The following COMMD1 variants were observed in gnomAD, a reference collection of about 807,000 sequenced individuals.
COMMD1 encodes the protein COMM domain-containing protein 1.
Under a neutral mutation model 17.2 loss-of-function variants are expected in COMMD1, and 10 were observed. That is an observed-to-expected ratio of 0.58 (90% CI 0.36 to 0.99). COMMD1 has a LOEUF of 0.99. Ranked by LOEUF, COMMD1 falls within the 50% of genes least tolerant of loss-of-function variation. COMMD1 has a pLI of 0.01. For synonymous variants in COMMD1, 97 were observed against 91.6 expected, an observed-to-expected ratio of 1.06 and a Z score of -0.34; for missense variants, 270 against 231.8, an observed-to-expected ratio of 1.17 and a Z score of -1.07.
chr2:62,032,013 A>G (rs536217752), intron 2 of COMMD1, among the ~76,000 whole-genome samples: 1 of 152,336 alleles, frequency 6.6e-6, no homozygotes, highest in Non-Finnish European at 1.5e-5. Flanking sequence ...TTAACACTTT[A>G]GTATGTATAA....
intron 2 of COMMD1, among the ~76,000 whole-genome samples, chr2:62,078,962 G>A (rs1226339831): frequency 2.6e-5 from 4 of 152,124 alleles, no homozygotes; most frequent in African/African-American, 9.7e-5. Flanking sequence ...GAGAGAATAG[G>A]TTGTAAAATG....
chr2:61,972,048 G>A (rs1239754662), intron 1 of COMMD1, among the ~76,000 whole-genome samples: 2 of 152,054 alleles, frequency 1.3e-5, no homozygotes, highest in South Asian at 4.1e-4. Context: ...GCTTGAGCCC[G>A]GGAGGCAGAG....
chr2:62,112,549 G>C (rs1672484468), intron 2 of COMMD1, among the ~76,000 whole-genome samples: 1 of 152,220 alleles, frequency 6.6e-6, no homozygotes, highest in Admixed American at 6.5e-5. Flanking sequence ...GACGGGGTAT[G>C]TGTAACAAGG....
intron 1 of COMMD1, among the ~76,000 whole-genome samples, chr2:61,972,983 C>CAT (rs1644017927): frequency 6.6e-6 from 1 of 152,044 alleles, no homozygotes; most frequent in Admixed American, 6.6e-5. Context: ...TATAAAATTT[C>CAT]ATATAAGTAG....
At chr2:61,906,121 T>A (rs956769998) in intron 1 of COMMD1, among the ~76,000 whole-genome samples, 3 of 152,206 alleles carry the variant, frequency 2.0e-5, no homozygotes, top group Non-Finnish European at 4.4e-5. Flanking sequence ...TTCAAGACAT[T>A]TCTGTCTCTT....
chr2:62,093,635 G>A (rs1007812580), intron 2 of COMMD1, among the ~76,000 whole-genome samples: 1 of 152,158 alleles, frequency 6.6e-6, no homozygotes, highest in Non-Finnish European at 1.5e-5. Flanking sequence ...ATCTTTCCTA[G>A]GGCAGCATTC....
At chr2:61,896,310 G>A (rs897043397) in intron 1 of COMMD1, among the ~76,000 whole-genome samples, 3 of 152,176 alleles carry the variant, frequency 2.0e-5, no homozygotes, top group East Asian at 3.8e-4. Flanking sequence ...ATCTGGCTGG[G>A]TGAGGTGGCT....
At chr2:62,014,903 A>G (rs546766790) in intron 2 of COMMD1, among the ~76,000 whole-genome samples, 1 of 151,992 alleles carries the variant, frequency 6.6e-6, no homozygotes, top group African/African-American at 2.4e-5. Context: ...AGTGGTATTA[A>G]GTACAGCCCA....
intron 2 of COMMD1, among the ~76,000 whole-genome samples, chr2:62,003,060 C>G (rs552303347): frequency 4.2e-4 from 63 of 150,184 alleles, no homozygotes; most frequent in African/African-American, 1.4e-3. Flanking sequence ...TGGGGAAACC[C>G]CATCTCTACT....
At chr2:61,922,903 T>G (rs1670234982) in intron 1 of COMMD1, among the ~76,000 whole-genome samples, 2 of 152,238 alleles carry the variant, frequency 1.3e-5, no homozygotes, top group African/African-American at 4.8e-5. Flanking sequence ...GTTTCTGGGT[T>G]AGCATGTAAA....
At chr2:61,976,825 T>A (rs1166626293) in intron 1 of COMMD1, among the ~76,000 whole-genome samples, 1 of 152,034 alleles carries the variant, frequency 6.6e-6, no homozygotes, top group Non-Finnish European at 1.5e-5. Flanking sequence ...ACCACAGTGA[T>A]GTGGGATTTT....
chr2:62,128,946 C>T (rs1672956310), intron 2 of COMMD1, among the ~76,000 whole-genome samples: 1 of 126,450 alleles, frequency 7.9e-6, no homozygotes, highest in African/African-American at 3.5e-5. Context: ...AGCGAAACTC[C>T]ATCTAAAAAA....
chr2:61,888,518 G>C (rs962873668), upstream of COMMD1: 6 of 1,609,984 alleles, frequency 3.7e-6, no homozygotes, highest in Non-Finnish European at 5.1e-6. Flanking sequence ...GGCAAACTCC[G>C]CTGTGTCTGG....
At chr2:61,953,933 A>T (rs537568762) in intron 1 of COMMD1, among the ~76,000 whole-genome samples, 154 of 152,148 alleles carry the variant, frequency 1.0e-3, no homozygotes, top group South Asian at 3.3e-3. Context: ...TAAAGAGTCT[A>T]TTCAGGCCGG....
At chr2:61,932,615 G>C (rs1014063345) in intron 1 of COMMD1, among the ~76,000 whole-genome samples, 1 of 152,130 alleles carries the variant, frequency 6.6e-6, no homozygotes, top group Non-Finnish European at 1.5e-5. Flanking sequence ...GATTGGTGGT[G>C]GGGTCTTTGG....
chr2:62,103,230 C>T (rs1672234177), intron 2 of COMMD1, among the ~76,000 whole-genome samples: 1 of 152,204 alleles, frequency 6.6e-6, no homozygotes, highest in African/African-American at 2.4e-5. Flanking sequence ...CGCCTGCCGG[C>T]CTCCCAAAGT....
Position 61,920,767 on chromosome 2 carries a change from A to G in COMMD1, c.180+14909A>G, listed in dbSNP as rs372524818. 1.6e-3 allele frequency among the ~76,000 whole-genome samples: 247 copies of G among 152,046 alleles called. 2 individuals are homozygous for G. The highest frequency in any genetic ancestry group is 5.6e-3 in the African/African-American group (232 of 41,470). On this transcript the variant is annotated intron_variant, in intron 1 of 2. Coordinates refer to ENST00000311832, the MANE Select transcript of COMMD1 (RefSeq NM_152516.4). ...ACATTTAGTGCTCTGCTTGTGTCAT[A>G]AATAGCCACTTGACAGTGGATCCAA...
chr2:62,003,552 A>AT (rs1490878961), intron 2 of COMMD1, among the ~76,000 whole-genome samples: 2 of 150,600 alleles, frequency 1.3e-5, no homozygotes, highest in Non-Finnish European at 2.9e-5. Context: ...AAAAAAAAAA[A>AT]CAAAAAAAAC....
At chr2:61,894,246 G>A (rs1408345767) in intron 1 of COMMD1, among the ~76,000 whole-genome samples, 1 of 152,150 alleles carries the variant, frequency 6.6e-6, no homozygotes, top group South Asian at 2.1e-4. Context: ...TGGGACTACA[G>A]TATCGTGCAA....
Sources: allele counts gnomAD v4.1 joint callset (sites outside exome capture counted in the v4.1 genomes callset), GRCh38; gene constraint gnomAD v4.1.1; transcripts MANE v1.5; gene names NCBI Gene and HGNC (gene_info 2026-07-23, HGNC 2026-07-21).